NXPH1: variants seen among roughly 807,000 people sequenced by gnomAD.
NXPH1 encodes neurexophilin 1.
Under a neutral mutation model 23.7 loss-of-function variants are expected in NXPH1, and 5 were observed. The ratio of observed to expected loss-of-function variants is 0.21; its 90% CI spans 0.11 to 0.44. The LOEUF is 0.44. Among genes scored for constraint, NXPH1 ranks in the 20% least tolerant of loss-of-function variants. The probability of loss-of-function intolerance (pLI) is 0.99; values close to 1 mark genes in which losing one functional copy is unlikely to be tolerated. For missense variants in NXPH1, 324 were observed against 321.6 expected (o/e 1.01, Z -0.06); for synonymous variants, 144 against 122.2 (o/e 1.18, Z -1.18).
intron 2 of NXPH1, among the ~76,000 whole-genome samples, chr7:8,669,177 G>T (rs2115168345): frequency 6.6e-6 from 1 of 152,324 alleles, no homozygotes; most frequent in East Asian, 1.9e-4. Flanking sequence ...GTGGGTGTGT[G>T]CTGGGGCCAG....
chr7:8,626,594 T>G (rs1819995019), intron 2 of NXPH1, among the ~76,000 whole-genome samples: 1 of 152,124 alleles, frequency 6.6e-6, no homozygotes, highest in African/African-American at 2.4e-5. Context: ...ACTTTGCTAG[T>G]ACTTTGTGCT....
At chr7:8,727,415 G>A (rs1186216453) in intron 2 of NXPH1, among the ~76,000 whole-genome samples, 4 of 141,398 alleles carry the variant, frequency 2.8e-5, no homozygotes, top group Non-Finnish European at 1.5e-5. Context: ...CCTTGCCCAT[G>A]CCTATGTCCT....
intron 2 of NXPH1, among the ~76,000 whole-genome samples, chr7:8,641,336 G>A (rs1820307750): frequency 6.6e-6 from 1 of 152,148 alleles, no homozygotes; most frequent in East Asian, 1.9e-4. Flanking sequence ...GCGGGAGCAA[G>A]CTTGTGTGGA....
intron 2 of NXPH1, among the ~76,000 whole-genome samples, chr7:8,535,899 T>C (rs938492569): frequency 2.1e-4 from 32 of 152,162 alleles, no homozygotes; most frequent in African/African-American, 7.7e-4. Flanking sequence ...TGCTGTTTCC[T>C]TTGCCAGAAG....
At chr7:8,472,459 G>A (rs1426422402) in intron 2 of NXPH1, among the ~76,000 whole-genome samples, 1 of 152,128 alleles carries the variant, frequency 6.6e-6, no homozygotes, top group African/African-American at 2.4e-5. Flanking sequence ...GGGTTGGGTG[G>A]TTTGTCCAAA....
intron 2 of NXPH1, among the ~76,000 whole-genome samples, chr7:8,436,450 G>A (rs138281311): frequency 2.6e-5 from 4 of 152,186 alleles, no homozygotes; most frequent in Non-Finnish European, 5.9e-5. Flanking sequence ...GCCAGGGAGA[G>A]AATTCTAAAC....
intron 2 of NXPH1, among the ~76,000 whole-genome samples, chr7:8,717,111 G>T (rs1417933202): frequency 1.3e-5 from 2 of 152,068 alleles, no homozygotes; most frequent in East Asian, 3.8e-4. Flanking sequence ...ACTTCTGTTT[G>T]TACCTCTTTC....
chr7:8,511,000 C>T (rs1817602523), intron 2 of NXPH1, among the ~76,000 whole-genome samples: 1 of 152,028 alleles, frequency 6.6e-6, no homozygotes, highest in Non-Finnish European at 1.5e-5. Flanking sequence ...CTTCCCTGAC[C>T]TTGGATCAAT....
intron 2 of NXPH1, among the ~76,000 whole-genome samples, chr7:8,599,311 G>A (rs961426677): frequency 2.6e-5 from 4 of 152,032 alleles, no homozygotes; most frequent in Non-Finnish European, 4.4e-5. Context: ...AGGTCATTAC[G>A]CTCTACGATT....
chr7:8,620,373 A>T (rs1277817548), intron 2 of NXPH1, among the ~76,000 whole-genome samples: 2 of 152,088 alleles, frequency 1.3e-5, no homozygotes, highest in Non-Finnish European at 2.9e-5. Context: ...GCTGACAACA[A>T]TTCTGACCCA....
intron 2 of NXPH1, among the ~76,000 whole-genome samples, chr7:8,588,015 C>G (rs1159709654): frequency 1.3e-5 from 2 of 152,118 alleles, no homozygotes; most frequent in African/African-American, 2.4e-5. Context: ...CATCACTGGT[C>G]ATTAGAGAAA....
chr7:8,646,727 A>G (rs531333913), intron 2 of NXPH1, among the ~76,000 whole-genome samples: 8 of 152,080 alleles, frequency 5.3e-5, no homozygotes, highest in Non-Finnish European at 1.2e-4. Flanking sequence ...TGTTAATATA[A>G]TGTAATATAA....
rs138822987 is a variant in NXPH1, at chr7:8,448,482, A to G, written c.54+12715A>G. Among the ~76,000 whole-genome samples, 715 of 152,282 alleles carry G rather than the reference A, an allele frequency of 4.7e-3. 6 individuals carry two copies. The highest frequency in any genetic ancestry group is 0.016 in the African/African-American group (651 of 41,542). ...CAGTGCTGCCCAGAAAGCCATATGT[A>G]TTTAGAGTGGATAGTTACCTTTACG... On this transcript the variant is annotated intron_variant, in intron 2 of 2. Transcript: ENST00000405863.
At chr7:8,545,317 G>A (rs1818182860) in intron 2 of NXPH1, among the ~76,000 whole-genome samples, 1 of 151,380 alleles carries the variant, frequency 6.6e-6, no homozygotes, top group Non-Finnish European at 1.5e-5. Flanking sequence ...AGTTGATCTT[G>A]TACATGCCTG....
chr7:8,559,602 T>G (rs1242962444), intron 2 of NXPH1, among the ~76,000 whole-genome samples: 1 of 151,728 alleles, frequency 6.6e-6, no homozygotes, highest in Non-Finnish European at 1.5e-5. Context: ...AGTTAACAGG[T>G]ACATGAGCTT....
chr7:8,750,764 G>A (rs562650038), intron 2 of NXPH1, among the ~76,000 whole-genome samples: 1 of 152,172 alleles, frequency 6.6e-6, no homozygotes, highest in African/African-American at 2.4e-5. Flanking sequence ...TATAAGTGGT[G>A]TTTTATCACA....
At chr7:8,494,710 T>G (rs1290197565) in intron 2 of NXPH1, among the ~76,000 whole-genome samples, 2 of 152,102 alleles carry the variant, frequency 1.3e-5, no homozygotes, top group African/African-American at 2.4e-5. Context: ...GTTGACAGAA[T>G]TATCCTGAAC....
chr7:8,448,270 G>A (rs1816439946), intron 2 of NXPH1, among the ~76,000 whole-genome samples: 2 of 152,146 alleles, frequency 1.3e-5, no homozygotes, highest in African/African-American at 4.8e-5. Context: ...AAGGTGACTG[G>A]TACAATGCAA....
At position 8,751,838 on chromosome 7, in the gene NXPH1, G is replaced by C; in HGVS notation, c.*69G>C. 7.0e-7 allele frequency: 1 copy of C among 1,419,244 alleles called. No individual in the cohort carries two copies. The highest frequency in any genetic ancestry group is 9.4e-7 in the Non-Finnish European group (1 of 1,061,548). The allele number at this position is 1,419,244 out of a possible 1,614,324, so 87.9% of individuals were successfully genotyped here. ...CATATGACAGGGCTGTTACCTCAAA[G>C]AAGAAGGTCACATCTGTTGCCTGGA... On this transcript the variant is annotated 3_prime_UTR_variant, in exon 3 of 3. Transcript: ENST00000405863. This position sits in a 1 kb window ranked among gnomAD's most constrained non-coding sequence, Gnocchi z 4.5.
Sources: allele counts gnomAD v4.1 joint callset (sites outside exome capture counted in the v4.1 genomes callset), GRCh38; gene constraint gnomAD v4.1.1; non-coding constraint Gnocchi (gnomAD v3.1); transcripts MANE v1.5; gene names NCBI Gene and HGNC (gene_info 2026-07-23, HGNC 2026-07-21).